Variants in POLR3B observed in about 807,000 individuals in gnomAD.
POLR3B encodes DNA-directed RNA polymerase III subunit RPC2.
POLR3B carries 96 observed loss-of-function variants against 147.4 expected under a neutral mutation model. That is an observed-to-expected ratio of 0.65 (90% CI 0.55 to 0.77). The LOEUF is 0.77. Ranked by LOEUF, POLR3B falls within the 30% of genes least tolerant of loss-of-function variation. The probability of loss-of-function intolerance (pLI) is 0.00; values close to 1 mark genes in which losing one functional copy is unlikely to be tolerated. For synonymous variants in POLR3B, 461 were observed against 485.9 expected (o/e 0.95, Z 0.67); for missense variants, 1,036 against 1,413.5 (o/e 0.73, Z 4.28).
chr12:106,392,618 G>A (rs926201319), intron 9 of POLR3B, among the ~76,000 whole-genome samples: 1 of 152,168 alleles, frequency 6.6e-6, no homozygotes, highest in Non-Finnish European at 1.5e-5. Context: ...TTAATTTTGT[G>A]ACAAGACTGA....
At chr12:106,423,763 A>G (rs1351034836) in intron 12 of POLR3B, among the ~76,000 whole-genome samples, 1 of 152,098 alleles carries the variant, frequency 6.6e-6, no homozygotes, top group Non-Finnish European at 1.5e-5. Flanking sequence ...ACCCTCAGAG[A>G]CACACCCAGA....
At chr12:106,442,795 G>T (rs988352523) in intron 18 of POLR3B, among the ~76,000 whole-genome samples, 2 of 151,992 alleles carry the variant, frequency 1.3e-5, no homozygotes, top group African/African-American at 4.8e-5. Context: ...GAAAAATAGC[G>T]GGTCCACAGA....
rs539320310 is a variant in POLR3B, at chr12:106,490,353, G to A, written c.2714-5702G>A. 9.2e-5 allele frequency among the ~76,000 whole-genome samples: 14 copies of A among 152,272 alleles called. No individual in the cohort carries two copies. In the East Asian group the frequency reaches 1.4e-3, roughly 15 times the overall value. ...GTTTCAATTAATCAGCCCTTTGTGC[G>A]CTTCAGACTATGCAAATTTATCACA... On this transcript the variant is annotated intron_variant, in intron 23 of 27. Transcript: ENST00000228347.
At chr12:106,362,909 C>A (rs2036488244) in intron 1 of POLR3B, among the ~76,000 whole-genome samples, 1 of 151,934 alleles carries the variant, frequency 6.6e-6, no homozygotes, top group Non-Finnish European at 1.5e-5. Flanking sequence ...CATTGCATCA[C>A]CCCAGAAAGT....
chr12:106,358,307 G>A (rs932355904), intron 1 of POLR3B: 1 of 1,184,904 alleles, frequency 8.4e-7, no homozygotes, highest in Admixed American at 3.6e-5. Context: ...CGGGGCCAGG[G>A]AGCTCAGGCC....
Position 106,501,333 on chromosome 12 carries a change from G to T in POLR3B, c.2995G>T (p.Glu999Ter), listed in dbSNP as rs1234997486. The change falls in exon 26 of 28, where the codon GAA becomes TAA. Residue 999 changes from glutamate to a stop codon, truncating the protein, a stop_gained. Transcript: ENST00000228347. LOFTEE classifies it high-confidence loss of function. The stretch of plus-strand genomic sequence containing the variant: ...TGATCTTTCTTTCAGTGAGCCCTTA[G>T]AAGCATACATCTATTTTGGCCCCGT... ...VTSGITGEPL[E>*]AYIYFGPVYY... The T allele has an allele frequency of 6.2e-7, 1 of 1,606,236 alleles. No homozygotes were observed. The highest frequency in any genetic ancestry group is 8.5e-7 in the Non-Finnish European group (1 of 1,172,804).
intron 12 of POLR3B, among the ~76,000 whole-genome samples, chr12:106,426,839 T>TACC (rs2037444378): frequency 4.0e-5 from 1 of 25,290 alleles, no homozygotes; most frequent in Non-Finnish European, 7.2e-5. Context: ...TTCTCCACCG[T>TACC]CCCCCCCCCC....
chr12:106,376,970 A>G (rs895037774), intron 7 of POLR3B, among the ~76,000 whole-genome samples: 1 of 152,170 alleles, frequency 6.6e-6, no homozygotes. Flanking sequence ...CTTTAATATG[A>G]CACATTCTTG....
chr12:106,437,824 A>G (rs780229255), intron 18 of POLR3B, 45 bp downstream of exon 18: 14 of 1,031,898 alleles, frequency 1.4e-5, no homozygotes, highest in East Asian at 4.8e-5. Flanking sequence ...TGTTCTGACT[A>G]TAGAAACTAC....
intron 10 of POLR3B, among the ~76,000 whole-genome samples, chr12:106,395,786 A>G (rs577439152): frequency 6.6e-6 from 1 of 152,126 alleles, no homozygotes; most frequent in East Asian, 1.9e-4. Flanking sequence ...CCTGGCCAAC[A>G]TGGTGAAACC....
At chr12:106,398,870 A>G (rs1055622139) in intron 10 of POLR3B, among the ~76,000 whole-genome samples, 1 of 152,168 alleles carries the variant, frequency 6.6e-6, no homozygotes, top group African/African-American at 2.4e-5. Context: ...AGATGAAACC[A>G]CAAAGATGGG....
intron 11 of POLR3B, among the ~76,000 whole-genome samples, chr12:106,407,206 T>C (rs1194538310): frequency 6.6e-6 from 1 of 152,190 alleles, no homozygotes; most frequent in African/African-American, 2.4e-5. Context: ...ATAGCAAAAA[T>C]GGATAGTAGA....
chr12:106,465,900 G>C (rs1186719764), intron 23 of POLR3B, among the ~76,000 whole-genome samples: 1 of 152,054 alleles, frequency 6.6e-6, no homozygotes, highest in African/African-American at 2.4e-5. Flanking sequence ...CTTTACTATT[G>C]TGAATAGTGC....
chr12:106,412,729 T>C (rs2037244867), intron 12 of POLR3B, among the ~76,000 whole-genome samples: 1 of 152,234 alleles, frequency 6.6e-6, no homozygotes, highest in Non-Finnish European at 1.5e-5. Context: ...CGGCATTTTA[T>C]TGGCCATTTG....
rs1273050443 is a variant in POLR3B at position 106,357,835 on chromosome 12, G to T, written c.-45G>T. On this transcript the variant is annotated 5_prime_UTR_variant, in exon 1 of 28. Coordinates refer to ENST00000228347, the MANE Select transcript of POLR3B (RefSeq NM_018082.6). ...TTGCAGTTTGCTTGGTGCAGGGAAG[G>T]CGGGCGCGGAGGTTCTATCTGTTTC... The T allele has an allele frequency of 1.9e-6, 3 of 1,585,348 alleles. No individual in the cohort carries two copies. The highest frequency in any genetic ancestry group is 3.5e-5 in the Admixed American group (2 of 57,064).
At chr12:106,392,896 G>T in intron 9 of POLR3B, 135 bp from the exon 10 acceptor site, 1 of 1,088,404 alleles carries the variant, frequency 9.2e-7, no homozygotes, top group Non-Finnish European at 1.3e-6. Context: ...GCCAATGCCA[G>T]ATGGCACCAT....
chr12:106,419,647 C>T (rs867851184), intron 12 of POLR3B, among the ~76,000 whole-genome samples: 1 of 151,654 alleles, frequency 6.6e-6, no homozygotes, highest in South Asian at 2.1e-4. Flanking sequence ...GAGCTTTTTT[C>T]TTCCACTGCA....
chr12:106,418,120 C>G (rs2037330669), intron 12 of POLR3B, among the ~76,000 whole-genome samples: 2 of 152,182 alleles, frequency 1.3e-5, no homozygotes, highest in South Asian at 4.1e-4. Flanking sequence ...TTCCTTCAGT[C>G]TTGATGCCAC....
chr12:106,481,076 A>G (rs1210325053), intron 23 of POLR3B, among the ~76,000 whole-genome samples: 2 of 152,326 alleles, frequency 1.3e-5, no homozygotes, highest in Non-Finnish European at 1.5e-5. Flanking sequence ...AGCTCACCTA[A>G]TAGAAGACCA....
Sources: gnomAD v4.1 joint callset for allele counts (sites outside exome capture counted in the v4.1 genomes callset) on GRCh38, gnomAD v4.1.1 for gene constraint, MANE v1.5 for transcripts, NCBI Gene and HGNC (gene_info 2026-07-23, HGNC 2026-07-21) for gene names.